Variants in ZFP90 observed in about 807,000 individuals in gnomAD.
ZFP90 encodes the protein zinc finger protein 90 homolog.
Under a neutral mutation model 60.8 loss-of-function variants are expected in ZFP90, and 38 were observed. That is an observed-to-expected ratio of 0.62 (90% CI 0.48 to 0.82). The LOEUF is 0.82. Among genes scored for constraint, ZFP90 ranks in the 40% least tolerant of loss-of-function variants. ZFP90 has a pLI of 0.00. For missense variants in ZFP90, 711 were observed against 759.1 expected (o/e 0.94, Z 0.74); for synonymous variants, 287 against 264.8 (o/e 1.08, Z -0.82).
downstream of ZFP90, among the ~76,000 whole-genome samples, chr16:68,568,374 T>G (rs758121314): frequency 4.6e-5 from 7 of 152,232 alleles, no homozygotes; most frequent in African/African-American, 1.4e-4. Flanking sequence ...TAATACTGTT[T>G]CCTACCAATT....
At chr16:68,547,372 C>T (rs2091169881) in intron 2 of ZFP90, among the ~76,000 whole-genome samples, 1 of 152,076 alleles carries the variant, frequency 6.6e-6, no homozygotes, top group Non-Finnish European at 1.5e-5. Context: ...TCTTGAACAT[C>T]TTTGTGTATC....
chr16:68,544,982 C>T (rs908230353), intron 2 of ZFP90, among the ~76,000 whole-genome samples: 19 of 148,928 alleles, frequency 1.3e-4, no homozygotes, highest in African/African-American at 4.4e-4. Context: ...CGGGTTCAAG[C>T]GATTCTCCCG....
At chr16:68,536,219 G>A (rs2090959682), upstream of ZFP90, among the ~76,000 whole-genome samples, 1 of 152,200 alleles carries the variant, frequency 6.6e-6, no homozygotes, top group Non-Finnish European at 1.5e-5. Context: ...CAATGTTTGA[G>A]TGCTCTTTCT....
At chr16:68,558,626 A>T in intron 4 of ZFP90, 58 bp downstream of exon 4, 1 of 1,486,898 alleles carries the variant, frequency 6.7e-7, no homozygotes, top group Non-Finnish European at 9.3e-7. Context: ...CAACTTAGGG[A>T]GGGGGAGATA....
intron 2 of ZFP90, among the ~76,000 whole-genome samples, chr16:68,554,120 GTTTTGTTTT>G (rs2091303586): frequency 8.5e-6 from 1 of 117,452 alleles, no homozygotes. Flanking sequence ...GTTGTGTTTT[GTTTTGTTTT>G]TTTTTTTTTT....
chr16:68,540,815 A>AAAAG (rs1342364855), intron 2 of ZFP90, among the ~76,000 whole-genome samples: 1 of 147,124 alleles, frequency 6.8e-6, no homozygotes, highest in Non-Finnish European at 1.5e-5. Context: ...CTGCAAAAAA[A>AAAAG]AAAAAAAAAA....
At chr16:68,548,523 T>C (rs1208277122) in intron 2 of ZFP90, among the ~76,000 whole-genome samples, 3 of 146,996 alleles carry the variant, frequency 2.0e-5, no homozygotes, top group African/African-American at 7.6e-5. Flanking sequence ...GGAGTTTCGC[T>C]CTTATTGCCC....
At chr16:68,573,317 A>G (rs989252436) in intron 2 of ZFP90, among the ~76,000 whole-genome samples, 8 of 152,188 alleles carry the variant, frequency 5.3e-5, no homozygotes, top group Non-Finnish European at 1.0e-4. Flanking sequence ...AGCTGGACCC[A>G]GGGGTGCCAT....
At chr16:68,570,511 G>T (rs186049591), downstream of ZFP90, among the ~76,000 whole-genome samples, 1 of 152,214 alleles carries the variant, frequency 6.6e-6, no homozygotes, top group Admixed American at 6.5e-5. Flanking sequence ...TCTGGAAAAG[G>T]GGTGGTAATT....
At position 68,564,775 on chromosome 16, in the gene ZFP90, CT is replaced by C; in HGVS notation, c.*79del. 6.7e-7 allele frequency: 1 copy of C among 1,498,556 alleles called. No individual in the cohort carries two copies. Among genetic ancestry groups the C allele is most frequent in the Non-Finnish European group, 8.8e-7 (1 of 1,129,966 alleles). The allele number at this position is 1,498,556 out of a possible 1,614,324, so 92.8% of individuals were successfully genotyped here. ...TCAGGATCAGAGGATTCTTAGAGAG[CT>C]TGGGAATGTAATGAATTACGTGTGT... On this transcript the variant is annotated 3_prime_UTR_variant, in exon 5 of 5. Transcript: ENST00000563169.
At chr16:68,535,374 C>T (rs920625213), upstream of ZFP90, 12 of 152,170 alleles carry the variant, frequency 7.9e-5, no homozygotes, top group Admixed American at 7.9e-4. Context: ...CAGTCTCTAC[C>T]ATGGGAGTAT....
chr16:68,543,293 A>C (rs182119750), intron 2 of ZFP90, among the ~76,000 whole-genome samples: 156 of 152,290 alleles, frequency 1.0e-3, no homozygotes, highest in Admixed American at 3.3e-3. Flanking sequence ...TTTTTAAAAG[A>C]TTGCCATGAA....
chr16:68,539,915 C>T (rs1447990706), intron 2 of ZFP90, 90 bp downstream of exon 2: 2 of 1,502,166 alleles, frequency 1.3e-6, no homozygotes, highest in Non-Finnish European at 1.8e-6. Flanking sequence ...TGTTCTCTGC[C>T]TGGCGACTCC....
chr16:68,539,622 G>A, intron 1 of ZFP90, 136 bp from the exon 2 acceptor site: 1 of 652,674 alleles, frequency 1.5e-6, no homozygotes, highest in Non-Finnish European at 2.4e-6. Flanking sequence ...ATGGGGAGCG[G>A]CAGGCCCGGG....
chr16:68,543,289 A>G (rs1187772404), intron 2 of ZFP90, among the ~76,000 whole-genome samples: 1 of 152,200 alleles, frequency 6.6e-6, no homozygotes, highest in Non-Finnish European at 1.5e-5. Context: ...AGATTTTTTA[A>G]AAGATTGCCA....
upstream of ZFP90, among the ~76,000 whole-genome samples, chr16:68,536,579 T>C (rs984472834): frequency 3.3e-5 from 5 of 152,146 alleles, no homozygotes; most frequent in East Asian, 7.7e-4. Flanking sequence ...GTGGGAATTA[T>C]AGGCCACTGT....
At chr16:68,548,520 C>T (rs2091196598) in intron 2 of ZFP90, among the ~76,000 whole-genome samples, 1 of 72,246 alleles carries the variant, frequency 1.4e-5, no homozygotes, top group Non-Finnish European at 2.5e-5. Context: ...GACGGAGTTT[C>T]GCTCTTATTG....
At chr16:68,560,563 T>TTATG (rs1420943679) in intron 4 of ZFP90, among the ~76,000 whole-genome samples, 1 of 151,944 alleles carries the variant, frequency 6.6e-6, no homozygotes. Flanking sequence ...ATTTATTTAT[T>TTATG]TATTTATTTT....
chr16:68,569,930 G>C (rs2091558748), downstream of ZFP90, among the ~76,000 whole-genome samples: 1 of 151,850 alleles, frequency 6.6e-6, no homozygotes, highest in African/African-American at 2.4e-5. Context: ...CCTTAAACTA[G>C]GGCATAATTC....
Sources: allele counts gnomAD v4.1 joint callset (sites outside exome capture counted in the v4.1 genomes callset), GRCh38; gene constraint gnomAD v4.1.1; transcripts MANE v1.5; gene names NCBI Gene and HGNC (gene_info 2026-07-23, HGNC 2026-07-21).